Variants in CDYL observed in about 807,000 individuals in gnomAD.
The protein encoded by CDYL is chromodomain Y-like protein.
CDYL carries 8 observed loss-of-function variants against 47.3 expected under a neutral mutation model. The ratio of observed to expected loss-of-function variants is 0.17; its 90% confidence interval spans 0.10 to 0.31. The LOEUF (loss-of-function observed/expected upper bound fraction) is 0.31, where lower values mean the gene tolerates loss of function less well. Among genes scored for constraint, CDYL ranks in the 10% least tolerant of loss-of-function variants. CDYL has a pLI of 1.00. For synonymous variants in CDYL, 266 were observed against 265.0 expected, an observed-to-expected ratio of 1.00 and a Z score of -0.04; for missense variants, 471 against 701.4, an observed-to-expected ratio of 0.67 and a Z score of 3.71.
chr6:4,860,472 C>G, intron 1 of CDYL, among the ~76,000 whole-genome samples: 1 of 148,854 alleles, frequency 6.7e-6, no homozygotes, highest in Non-Finnish European at 1.5e-5. Flanking sequence ...TTAGGGTTCT[C>G]TTAGAGGGAC....
chr6:4,791,702 CAAAG>C (rs1758921250), intron 1 of CDYL, among the ~76,000 whole-genome samples: 2 of 149,108 alleles, frequency 1.3e-5, no homozygotes, highest in South Asian at 2.1e-4. Flanking sequence ...AAAGAAACAT[CAAAG>C]AAAGAAAAAA....
At chr6:4,733,945 G>A (rs1757655299) in intron 2 of CDYL, among the ~76,000 whole-genome samples, 1 of 151,258 alleles carries the variant, frequency 6.6e-6, no homozygotes, top group Admixed American at 6.6e-5. Flanking sequence ...TCTGCTTCCT[G>A]GGTTCAAGCT....
rs1762071980 is a variant in CDYL at position 4,892,312 on chromosome 6, A to G, written c.624A>G (p.Pro208=). The change falls in exon 2 of 7, where the codon CCA becomes CCG. Residue 208 remains proline, a synonymous_variant. Coordinates refer to ENST00000397588, the MANE Select transcript of CDYL (RefSeq NM_004824.4). ...ARMGSRPRIH[P]LVPQVPGPVT... ...TGGGGAGCAGGCCCAGGATACACCC[A>G]CTAGTGCCTCAGGTGCCCGGCCCTG... 6.2e-7 allele frequency: 1 copy of G among 1,614,060 alleles called. No homozygotes were observed. The highest frequency in any genetic ancestry group is 8.5e-7 in the Non-Finnish European group (1 of 1,180,012).
chr6:4,828,756 T>G (rs1270622376), intron 1 of CDYL, among the ~76,000 whole-genome samples: 1 of 152,112 alleles, frequency 6.6e-6, no homozygotes, highest in African/African-American at 2.4e-5. Context: ...TTGGTATGCA[T>G]GATGGTGTCC....
chr6:4,862,445 T>A (rs1761197112), intron 1 of CDYL, among the ~76,000 whole-genome samples: 1 of 152,146 alleles, frequency 6.6e-6, no homozygotes, highest in South Asian at 2.1e-4. Flanking sequence ...GGAGAGTAAT[T>A]TTTACCTGAG....
intron 3 of CDYL, among the ~76,000 whole-genome samples, chr6:4,759,246 G>A (rs574496740): frequency 6.6e-6 from 1 of 152,218 alleles, no homozygotes; most frequent in East Asian, 1.9e-4. Context: ...TAGGATTACA[G>A]GCGTGAGCCA....
chr6:4,717,117 G>A (rs1757279559), intron 2 of CDYL, among the ~76,000 whole-genome samples: 1 of 152,090 alleles, frequency 6.6e-6, no homozygotes, highest in Non-Finnish European at 1.5e-5. Context: ...GGATATAAGG[G>A]GTCCAAAGTC....
At chr6:4,887,377 T>C (rs1761925985) in intron 1 of CDYL, among the ~76,000 whole-genome samples, 1 of 152,226 alleles carries the variant, frequency 6.6e-6, no homozygotes, top group Admixed American at 6.5e-5. Flanking sequence ...AATAATGCTT[T>C]ATAGTTTCCA....
chr6:4,925,686 G>A (rs1757852822), intron 2 of CDYL, among the ~76,000 whole-genome samples: 1 of 152,124 alleles, frequency 6.6e-6, no homozygotes, highest in Non-Finnish European at 1.5e-5. Context: ...AAAGTGCTGG[G>A]AACAGGGTGA....
chr6:4,795,091 A>T (rs1371863179), intron 1 of CDYL, among the ~76,000 whole-genome samples: 1 of 151,882 alleles, frequency 6.6e-6, no homozygotes, highest in Non-Finnish European at 1.5e-5. Context: ...ATTCCAAAAG[A>T]GTGGATCTGT....
In CDYL at chr6:4,889,469, C is replaced by T. The variant is rs188387493; in HGVS notation, c.25-2244C>T. ...CAAACTCCTGACCTCGTGATCCGCC[C>T]GCCTTGGCCTCCCAAAGTGCTGGAA... is the stretch of plus-strand genomic sequence containing the variant. On this transcript the variant is annotated intron_variant, in intron 1 of 6. Coordinates refer to ENST00000397588, the MANE Select transcript of CDYL (RefSeq NM_004824.4). Among the ~76,000 whole-genome samples the T allele has an allele frequency of 1.0e-2, 1,521 of 152,174 alleles. 29 individuals carry two copies. The highest frequency in any genetic ancestry group is 0.034 in the African/African-American group (1,410 of 41,480).
At chr6:4,776,947 A>G in intron 1 of CDYL, 140 bp downstream of exon 1, 1 of 231,370 alleles carries the variant, frequency 4.3e-6, no homozygotes, top group Non-Finnish European at 7.0e-6. Flanking sequence ...CTGGACGGGA[A>G]ATGTGTGTGA....
chr6:4,930,608 G>T (rs965107703), intron 2 of CDYL, among the ~76,000 whole-genome samples: 1 of 152,246 alleles, frequency 6.6e-6, no homozygotes, highest in Non-Finnish European at 1.5e-5. Flanking sequence ...GCTATCAGTG[G>T]CAGGTGAAGA....
intron 3 of CDYL, among the ~76,000 whole-genome samples, chr6:4,762,005 G>A (rs1002080133): frequency 7.9e-5 from 12 of 152,268 alleles, no homozygotes; most frequent in African/African-American, 1.9e-4. Context: ...AGGTGAGCCC[G>A]GAGTTTCTGT....
rs34649909 is a variant in CDYL, at chr6:4,943,770, T to TAAAAA, written c.1332+27_1332+31dup. The stretch of plus-strand genomic sequence containing the variant: ...GGAGGAGCATCTGTGAGTACCTTTT[T>TAAAAA]AAAAAAAAAAAAAAAAAGTCATTCT... On this transcript the variant is annotated intron_variant, in intron 5 of 6. Transcript: ENST00000397588. 343 of 1,172,794 alleles carry TAAAAA rather than the reference T, an allele frequency of 2.9e-4. No individual in the cohort carries two copies. The highest frequency in any genetic ancestry group is 5.0e-4 in the South Asian group (32 of 64,536). The allele number at this position is 1,172,794 out of a possible 1,614,324, so 72.6% of individuals were successfully genotyped here.
intron 2 of CDYL, among the ~76,000 whole-genome samples, chr6:4,893,667 A>G (rs987973815): frequency 2.7e-5 from 4 of 147,096 alleles, no homozygotes; most frequent in African/African-American, 1.0e-4. Flanking sequence ...CACTCCAGCC[A>G]GGGTGACAGA....
At chr6:4,844,786 T>C (rs535917512) in intron 1 of CDYL, among the ~76,000 whole-genome samples, 1 of 152,322 alleles carries the variant, frequency 6.6e-6, no homozygotes, top group Non-Finnish European at 1.5e-5. Flanking sequence ...GAGCAACTAG[T>C]GCTAAAGGAA....
intron 3 of CDYL, among the ~76,000 whole-genome samples, chr6:4,759,093 C>T (rs553705076): frequency 7.0e-4 from 106 of 151,782 alleles, no homozygotes; most frequent in African/African-American, 2.3e-3. Context: ...CTCAGCCTCC[C>T]GAGTAGCTGG....
intron 5 of CDYL, among the ~76,000 whole-genome samples, chr6:4,945,881 C>A (rs1355826620): frequency 6.6e-6 from 1 of 152,238 alleles, no homozygotes; most frequent in Non-Finnish European, 1.5e-5. Flanking sequence ...CCTGAGGCAC[C>A]CCATGCTGGT....
Sources: gnomAD v4.1 joint callset for allele counts (sites outside exome capture counted in the v4.1 genomes callset) on GRCh38, gnomAD v4.1.1 for gene constraint, MANE v1.5 for transcripts, NCBI Gene and HGNC (gene_info 2026-07-23, HGNC 2026-07-21) for gene names.